EXOC1: variants seen among roughly 807,000 people sequenced by gnomAD.
EXOC1 encodes exocyst complex component 1, also known as SEC3-like 1.
A neutral mutation model predicts 107.7 loss-of-function variants in EXOC1; 67 were observed. The observed-to-expected ratio is 0.62, with a 90% CI of 0.51 to 0.76. EXOC1 has a LOEUF of 0.76. Ranked by LOEUF, EXOC1 falls within the 30% of genes least tolerant of loss-of-function variation. The pLI, the probability that EXOC1 is intolerant of heterozygous loss-of-function variation, is 0.00. For missense variants in EXOC1, 833 were observed against 1,055.7 expected (o/e 0.79, Z 2.92); for synonymous variants, 348 against 353.5 (o/e 0.98, Z 0.17).
chr4:55,867,729 A>C (rs1349823161), intron 4 of EXOC1, among the ~76,000 whole-genome samples: 1 of 152,200 alleles, frequency 6.6e-6, no homozygotes, highest in Admixed American at 6.5e-5. Context: ...ACTTATCTTT[A>C]GAAATGTTAT....
In EXOC1 at chr4:55,893,569, A is replaced by C; in HGVS notation, c.1742A>C (p.Gln581Pro). 1 of 1,613,462 alleles carries C rather than the reference A, an allele frequency of 6.2e-7. No homozygotes were observed. ...PVSSEKDMIR[Q>P]MMIKIFRCIE... is the part of the protein sequence containing the mutation. Reference sequence around the variant, plus strand: ...CTGAACAGGAAAGATATGATCCGCCAAATGATGATTAAAATATTTCGCTGC... The same window carrying C: ...CTGAACAGGAAAGATATGATCCGCCCAATGATGATTAAAATATTTCGCTGC... Residue 581 changes from glutamine to proline, a missense_variant, in exon 15 of 19, where the codon CAA becomes CCA. Physicochemically the swap from Gln to Pro is moderately conservative, Grantham distance 76. Coordinates refer to ENST00000381295, the MANE Select transcript of EXOC1 (RefSeq NM_001024924.2).
chr4:55,882,891 AATTTT>A (rs1723539605), intron 9 of EXOC1: 1 of 152,104 alleles, frequency 6.6e-6, no homozygotes, highest in Admixed American at 6.5e-5. Flanking sequence ...GCTTTATTTA[AATTTT>A]ATTTTCTGGT....
intron 2 of EXOC1, among the ~76,000 whole-genome samples, chr4:55,859,158 G>A (rs914396048): frequency 1.3e-5 from 2 of 152,016 alleles, no homozygotes; most frequent in Admixed American, 6.5e-5. Context: ...ACAACTTGTC[G>A]AGTTTCAGAC....
chr4:55,872,603 C>A (rs1171006205), intron 8 of EXOC1, among the ~76,000 whole-genome samples: 2 of 151,474 alleles, frequency 1.3e-5, no homozygotes, highest in Non-Finnish European at 2.9e-5. Flanking sequence ...TTTAAAAGTC[C>A]CTTTTATTTT....
At chr4:55,898,201 G>A (rs1725465825) in intron 16 of EXOC1, among the ~76,000 whole-genome samples, 1 of 152,168 alleles carries the variant, frequency 6.6e-6, no homozygotes, top group Admixed American at 6.5e-5. Context: ...AGGCTGCAGT[G>A]AGCCTTGTTC....
intron 10 of EXOC1, chr4:55,885,508 T>C (rs1723791588): frequency 6.6e-6 from 1 of 152,190 alleles, no homozygotes; most frequent in African/African-American, 2.4e-5. Context: ...TTTATAAGTG[T>C]TAAGATCACA....
intron 4 of EXOC1, among the ~76,000 whole-genome samples, chr4:55,866,392 G>T (rs1721961149): frequency 6.6e-6 from 1 of 151,988 alleles, no homozygotes; most frequent in Non-Finnish European, 1.5e-5. Flanking sequence ...TTAAATGCTG[G>T]CTTGAACTGT....
At position 55,864,301 on chromosome 4, in the gene EXOC1, A is replaced by G. The variant is rs758344834; in HGVS notation, c.330A>G (p.Ala110=). 16 of 1,610,738 alleles carry G rather than the reference A, an allele frequency of 9.9e-6. No individual in the cohort carries two copies. The South Asian group carries it at 1.7e-4, about 17-fold the overall frequency. ...WVASSTAEKN[A]FISCIWKLNQ... ...CCAGCAGCACTGCTGAAAAGAATGC[A>G]TTTATTTCATGCATTTGGAAATTGA... is the stretch of plus-strand genomic sequence containing the variant. Residue 110 remains alanine, a synonymous_variant, in exon 4 of 19, where the codon GCA becomes GCG. Transcript: ENST00000381295.
chr4:55,896,576 G>A (rs1725232637), intron 15 of EXOC1, 141 bp from the exon 16 acceptor site: 1 of 538,924 alleles, frequency 1.9e-6, no homozygotes, highest in South Asian at 4.6e-5. Flanking sequence ...AGCATCCAAA[G>A]TGTTCTAGGT....
At chr4:55,882,770 T>C (rs1207691098) in intron 9 of EXOC1, 2 of 152,196 alleles carry the variant, frequency 1.3e-5, no homozygotes, top group African/African-American at 4.8e-5. Context: ...GTATACCTGA[T>C]CTTTAAAGCA....
In EXOC1 at chr4:55,869,073, A is replaced by G. The variant is rs1371138894; in HGVS notation, c.603+550A>G. Among the ~76,000 whole-genome samples, 4 of 152,196 alleles carry G rather than the reference A, an allele frequency of 2.6e-5. No individual in the cohort carries two copies. The East Asian group carries it at 5.8e-4, about 22-fold the overall frequency. ...TGTGCAGTTTTTGAGTGTAATTCAA[A>G]TGCACAGCACCTGCTGGGGCAGTGG... On this transcript the variant is annotated intron_variant, in intron 5 of 18. Coordinates refer to ENST00000381295, the MANE Select transcript of EXOC1 (RefSeq NM_001024924.2).
At chr4:55,893,804 T>C in intron 15 of EXOC1, 24 bp downstream of exon 15, 1 of 1,575,290 alleles carries the variant, frequency 6.3e-7, no homozygotes, top group Non-Finnish European at 8.7e-7. Context: ...TTTAAAAAAA[T>C]ACCTTAGCAT....
chr4:55,868,671 C>T (rs561510581), intron 5 of EXOC1, 148 bp downstream of exon 5: 1 of 556,726 alleles, frequency 1.8e-6, no homozygotes, highest in Non-Finnish European at 2.9e-6. Flanking sequence ...TGCCATCAGT[C>T]TTTTACTGTT....
At chr4:55,897,980 G>T (rs1679987985) in intron 16 of EXOC1, among the ~76,000 whole-genome samples, 1 of 152,168 alleles carries the variant, frequency 6.6e-6, no homozygotes. Flanking sequence ...ATGTGGCTAG[G>T]CACAGTGGCC....
chr4:55,904,509 A>T lies in EXOC1; in HGVS notation c.*14A>T, dbSNP rs1410033100. On this transcript the variant is annotated 3_prime_UTR_variant, in exon 19 of 19. Coordinates refer to ENST00000381295, the MANE Select transcript of EXOC1 (RefSeq NM_001024924.2). ...CAGTCCCACTAAACCTTGTGAAAGA[A>T]GAAAAGATAACTGAATGAAGCATTT... 1 of 1,598,894 alleles carries T rather than the reference A, an allele frequency of 6.3e-7. No individual in the cohort carries two copies. Among genetic ancestry groups the T allele is most frequent in the Non-Finnish European group, 8.5e-7 (1 of 1,172,422 alleles).
intron 4 of EXOC1, 24 bp downstream of exon 4, chr4:55,864,410 T>G (rs1721769055): frequency 1.3e-6 from 2 of 1,562,594 alleles, no homozygotes; most frequent in Non-Finnish European, 8.7e-7. Context: ...AAAATGTATA[T>G]GTAAAATCAA....
chr4:55,871,891 T>C lies in EXOC1; in HGVS notation c.1007T>C (p.Phe336Ser). 1 of 1,613,862 alleles carries C rather than the reference T, an allele frequency of 6.2e-7. No individual in the cohort carries two copies. Among genetic ancestry groups the C allele is most frequent in the Non-Finnish European group, 8.5e-7 (1 of 1,179,816 alleles). Reference sequence around the variant, plus strand: ...GCAGTCAAACAGCAACAGCAGCGATTCAGTGATTTGCGAGAGCTTTTTGCC... The same window carrying C: ...GCAGTCAAACAGCAACAGCAGCGATCCAGTGATTTGCGAGAGCTTTTTGCC... ...LLAVKQQQQR[F>S]SDLRELFARR... Residue 336 changes from phenylalanine to serine, a missense_variant, in exon 8 of 19, where the codon TTC (phenylalanine) becomes TCC (serine). This residue lies in a region of EXOC1 where 617 missense variants were observed against 701.3 expected (regional missense o/e 0.88). Coordinates refer to ENST00000381295, the MANE Select transcript of EXOC1 (RefSeq NM_001024924.2).
chr4:55,866,773 A>G, intron 4 of EXOC1: 1 of 608,284 alleles, frequency 1.6e-6, no homozygotes, highest in Non-Finnish European at 2.1e-6. Flanking sequence ...CAAATGAGAT[A>G]TGGGTAGTAT....
Position 55,864,361 on chromosome 4 carries a change from C to T in EXOC1, c.390C>T (p.Val130=). 1.2e-6 allele frequency: 2 copies of T among 1,608,062 alleles called. No individual in the cohort carries two copies. The highest frequency in any genetic ancestry group is 1.7e-6 in the Non-Finnish European group (2 of 1,177,882). Residue 130 remains valine (V), a synonymous_variant, in exon 4 of 19, where the codon GTC becomes GTT. Coordinates refer to ENST00000381295, the MANE Select transcript of EXOC1 (RefSeq NM_001024924.2). ...QRYLRKKIDF[V]NVSSQLLEES... is the part of the protein sequence containing the mutation. ...ATCTCCGGAAGAAAATTGATTTTGT[C>T]AATGTTAGCTCACAGCTTTTGGAAG...
Sources: gnomAD v4.1 joint callset for allele counts (sites outside exome capture counted in the v4.1 genomes callset) on GRCh38, gnomAD v4.1.1 for gene constraint, gnomAD v4.1.1 regional missense constraint, MANE v1.5 for transcripts, NCBI Gene and HGNC (gene_info 2026-07-23, HGNC 2026-07-21) for gene names.